RASSF5: variants seen among roughly 807,000 people sequenced by gnomAD.
RASSF5 encodes the protein Ras association domain family member 5.
RASSF5 carries 25 observed loss-of-function variants against 40.5 expected under a neutral mutation model. The ratio of observed to expected loss-of-function variants is 0.62; its 90% CI spans 0.45 to 0.86. The LOEUF is 0.86. Ranked by LOEUF, RASSF5 falls within the 40% of genes least tolerant of loss-of-function variation. The probability of loss-of-function intolerance (pLI) is 0.00; values close to 1 mark genes in which losing one functional copy is unlikely to be tolerated. For synonymous variants in RASSF5, 246 were observed against 252.4 expected (o/e 0.97, Z 0.24); for missense variants, 521 against 572.8 (o/e 0.91, Z 0.92).
chr1:206,587,085 T>C lies in RASSF5; in HGVS notation c.*107T>C. On this transcript the variant is annotated 3_prime_UTR_variant, in exon 6 of 6. Transcript: ENST00000579436. ...AGGACATCTCTGGCAGGTGCATTTGTGCCTGCCCAGCAGTTCCAGCTGTGG... is the reference window on the plus strand; with the variant it reads ...AGGACATCTCTGGCAGGTGCATTTGCGCCTGCCCAGCAGTTCCAGCTGTGG... 1 of 1,376,848 alleles carries C rather than the reference T, an allele frequency of 7.3e-7. No homozygotes were observed. 85.3% of individuals were successfully genotyped at this position (1,376,848 alleles called of 1,614,324 possible).
chr1:206,586,535 C>G, intron 5 of RASSF5: 5 of 277,996 alleles, frequency 1.8e-5, no homozygotes, highest in South Asian at 8.2e-5. Context: ...GCATCACTGT[C>G]AAGATCTCGG....
chr1:206,507,908 C>A lies in RASSF5; in HGVS notation c.306C>A (p.Asp102Glu). 6.6e-7 allele frequency: 1 copy of A among 1,509,088 alleles called. No individual in the cohort carries two copies. Among genetic ancestry groups the A allele is most frequent in the Non-Finnish European group, 8.8e-7 (1 of 1,136,460 alleles). 93.5% of individuals were successfully genotyped at this position (1,509,088 alleles called of 1,614,324 possible). Reference sequence around the variant, plus strand: ...GGCCTGGAGCGCCCCGACCCCGCGACGTGCGGAGCATCTTCGAGCAGCCGC... The same window carrying A: ...GGCCTGGAGCGCCCCGACCCCGCGAAGTGCGGAGCATCTTCGAGCAGCCGC... The part of the protein sequence containing the change: ...RRRPGAPRPR[D>E]VRSIFEQPQD... Residue 102 changes from aspartate to glutamate, a missense_variant, in exon 1 of 6, where the codon GAC becomes GAA. Around this residue, in one of 2 missense-constraint regions of RASSF5, gnomAD observed 237 missense variants for 212.0 expected, o/e 1.12. Coordinates refer to ENST00000579436, the MANE Select transcript of RASSF5 (RefSeq NM_182663.4).
At chr1:206,538,925 A>G (rs372133418) in intron 2 of RASSF5, among the ~76,000 whole-genome samples, 3 of 152,232 alleles carry the variant, frequency 2.0e-5, no homozygotes, top group Non-Finnish European at 4.4e-5. Flanking sequence ...AATAAATGCT[A>G]CGTCACAATT....
At chr1:206,564,656 T>C (rs1668235874) in intron 2 of RASSF5, among the ~76,000 whole-genome samples, 1 of 152,104 alleles carries the variant, frequency 6.6e-6, no homozygotes, top group African/African-American at 2.4e-5. Flanking sequence ...CCCACACCTG[T>C]GTATCTTCTG....
intron 2 of RASSF5, among the ~76,000 whole-genome samples, chr1:206,570,126 C>T (rs1668403348): frequency 7.5e-6 from 1 of 132,896 alleles, no homozygotes; most frequent in Admixed American, 8.6e-5. Context: ...AGTCTCAAAT[C>T]TGTCACCCAG....
intron 2 of RASSF5, among the ~76,000 whole-genome samples, chr1:206,558,650 G>A (rs561514281): frequency 3.9e-5 from 6 of 152,274 alleles, no homozygotes; most frequent in East Asian, 1.9e-4. Context: ...AATTCATCTT[G>A]CCTGTAGGCT....
chr1:206,556,072 A>G (rs1312981581), intron 2 of RASSF5, among the ~76,000 whole-genome samples: 1 of 152,210 alleles, frequency 6.6e-6, no homozygotes, highest in Non-Finnish European at 1.5e-5. Flanking sequence ...GGGGTCCATG[A>G]GCCATCAGAC....
At chr1:206,515,880 A>G (rs1384125815) in intron 1 of RASSF5, among the ~76,000 whole-genome samples, 3 of 152,228 alleles carry the variant, frequency 2.0e-5, no homozygotes, top group Non-Finnish European at 2.9e-5. Flanking sequence ...TGAAGAAAGT[A>G]TTAACCTCCC....
intron 1 of RASSF5, 83 bp downstream of exon 1, chr1:206,508,142 G>C: frequency 9.2e-7 from 1 of 1,089,818 alleles, no homozygotes; most frequent in Non-Finnish European, 1.2e-6. Flanking sequence ...GGCAGGGAGA[G>C]AGGGGCCATT....
chr1:206,556,357 C>T (rs1199035577), intron 2 of RASSF5, among the ~76,000 whole-genome samples: 2 of 152,202 alleles, frequency 1.3e-5, no homozygotes, highest in Non-Finnish European at 2.9e-5. Flanking sequence ...ATAGAGTGCA[C>T]GTAAATCACT....
In RASSF5 at chr1:206,589,122, C is replaced by G. The variant is rs1669256711; in HGVS notation, c.*2144C>G. ...CTGAAAAAAGTATAGTATCGAGTACCCGTTCCCTCCCAGAGGTGGGAGTAA... is the reference window on the plus strand; with the variant it reads ...CTGAAAAAAGTATAGTATCGAGTACGCGTTCCCTCCCAGAGGTGGGAGTAA... On this transcript the variant is annotated 3_prime_UTR_variant, in exon 6 of 6. Coordinates refer to ENST00000579436, the MANE Select transcript of RASSF5 (RefSeq NM_182663.4). 1 of 152,738 alleles carries G rather than the reference C, an allele frequency of 6.5e-6. No individual in the cohort carries two copies. Among genetic ancestry groups the G allele is most frequent in the Non-Finnish European group, 1.5e-5 (1 of 68,040 alleles). 9.5% of individuals were successfully genotyped at this position (152,738 alleles called of 1,614,324 possible). A position where few individuals can be genotyped will look rare whatever the true frequency, so the allele number is the denominator to read the frequency against.
chr1:206,580,256 GC>G (rs1201158654), intron 2 of RASSF5, among the ~76,000 whole-genome samples: 1 of 152,230 alleles, frequency 6.6e-6, no homozygotes, highest in East Asian at 1.9e-4. Flanking sequence ...GCCTTTGAAA[GC>G]CACAGCACAG....
intron 2 of RASSF5, among the ~76,000 whole-genome samples, chr1:206,545,697 C>T (rs1444572181): frequency 2.0e-5 from 3 of 152,074 alleles, no homozygotes; most frequent in African/African-American, 7.2e-5. Context: ...CTTCTTTATC[C>T]CTGTTAACAT....
At position 206,585,166 on chromosome 1, in the gene RASSF5, C is replaced by G. The variant is rs1553407335; in HGVS notation, c.989-14C>G. 4.4e-6 allele frequency: 7 copies of G among 1,602,312 alleles called. No homozygotes were observed. In the East Asian group the frequency reaches 1.6e-4, roughly 36 times the overall value. ...TTCTGGGAAGAGCTCCCAGCACCCT[C>G]TCTTGGTTTGCAGTGCTCTTCCAGA... On this transcript the variant is annotated splice_polypyrimidine_tract_variant and intron_variant, in intron 4 of 5. Transcript: ENST00000579436.
chr1:206,583,090 C>T (rs781879968), intron 2 of RASSF5, 179 bp from the exon 3 acceptor site: 1 of 553,030 alleles, frequency 1.8e-6, no homozygotes. Context: ...GCTGGCTAGA[C>T]ACTGGCACAG....
intron 4 of RASSF5, 96 bp from the exon 5 acceptor site, chr1:206,585,084 C>A: frequency 1.2e-6 from 1 of 841,710 alleles, no homozygotes; most frequent in Non-Finnish European, 1.9e-6. Context: ...TCCAGTTGTA[C>A]GTACCCCACC....
At position 206,585,316 on chromosome 1, in the gene RASSF5, C is replaced by A. The variant is rs368393455; in HGVS notation, c.1104+21C>A. ...TAGAGGTAGGTCTGGACCCATTGTG[C>A]AAACCCAGGCCTTAGGGCACCCTGG... On this transcript the variant is annotated intron_variant, in intron 5 of 5. Transcript: ENST00000579436. 66 of 1,595,842 alleles carry A rather than the reference C, an allele frequency of 4.1e-5. No homozygotes were observed. The African/African-American group carries it at 8.6e-4, about 21-fold the overall frequency.
At chr1:206,518,022 G>A (rs1270053964) in intron 1 of RASSF5, among the ~76,000 whole-genome samples, 4 of 152,198 alleles carry the variant, frequency 2.6e-5, no homozygotes, top group Admixed American at 2.6e-4. Context: ...TGGGCACGTG[G>A]TGTGAGGTAA....
At chr1:206,526,077 C>T (rs4351636) in intron 1 of RASSF5, among the ~76,000 whole-genome samples, 2 of 152,198 alleles carry the variant, frequency 1.3e-5, no homozygotes, top group East Asian at 3.8e-4. Context: ...AACTCAGCAT[C>T]TGAACCAAAC....
Sources: gnomAD v4.1 joint callset for allele counts (sites outside exome capture counted in the v4.1 genomes callset) on GRCh38, gnomAD v4.1.1 for gene constraint, gnomAD v4.1.1 regional missense constraint, MANE v1.5 for transcripts, NCBI Gene and HGNC (gene_info 2026-07-23, HGNC 2026-07-21) for gene names.